The following RBM20 variants were observed in gnomAD, a reference collection of about 807,000 sequenced individuals.
RBM20 encodes the protein RNA-binding protein 20.
In RBM20, 51 loss-of-function variants were observed where a neutral mutation model predicts 110.1. That is an observed-to-expected ratio of 0.46 (90% CI 0.37 to 0.59). RBM20 has a LOEUF of 0.59. Ranked by LOEUF, RBM20 falls within the 20% of genes least tolerant of loss-of-function variation. The probability of loss-of-function intolerance (pLI) is 0.00; values close to 1 mark genes in which losing one functional copy is unlikely to be tolerated. For missense variants in RBM20, 1,512 were observed against 1,574.9 expected, an observed-to-expected ratio of 0.96 and a Z score of 0.68; for synonymous variants, 589 against 618.2, an observed-to-expected ratio of 0.95 and a Z score of 0.70.
intron 1 of RBM20, among the ~76,000 whole-genome samples, chr10:110,702,992 T>G (rs199785802): frequency 8.9e-4 from 41 of 45,924 alleles, no homozygotes; most frequent in African/African-American, 2.6e-3. Flanking sequence ...TTTTTTCTTG[T>G]TTTTTTTTTT....
intron 1 of RBM20, among the ~76,000 whole-genome samples, chr10:110,747,794 A>G (rs1843800860): frequency 6.6e-6 from 1 of 152,022 alleles, no homozygotes; most frequent in Admixed American, 6.5e-5. Context: ...TGAAAGAGAA[A>G]GCCTTTTAGA....
chr10:110,812,736 G>A lies in RBM20; in HGVS notation c.2339G>A (p.Gly780Glu). ...KYLKQQQDAP[G>E]RSRRKDEARL... ...CTGAAGCAGCAGCAGGATGCCCCCG[G>A]GAGGTCCAGGAGGAAAGACGAGGCC... is the stretch of plus-strand genomic sequence containing the variant. Residue 780 changes from glycine to glutamate, a missense_variant, in exon 9 of 14, where the codon GGG becomes GAG. Around this residue, in one of 3 missense-constraint regions of RBM20, gnomAD observed 1,149 missense variants for 1,169.4 expected, o/e 0.98. Transcript: ENST00000369519. The A allele has an allele frequency of 2.6e-6, 4 of 1,551,754 alleles. No individual in the cohort carries two copies. The highest frequency in any genetic ancestry group is 3.5e-6 in the Non-Finnish European group (4 of 1,147,006).
chr10:110,833,186 C>T (rs1316545267), intron 13 of RBM20, among the ~76,000 whole-genome samples: 2 of 151,590 alleles, frequency 1.3e-5, no homozygotes, highest in Non-Finnish European at 2.9e-5. Context: ...GTCAGGAATT[C>T]GAGACCAGCC....
At chr10:110,700,110 G>T (rs1358430022) in intron 1 of RBM20, among the ~76,000 whole-genome samples, 2 of 152,150 alleles carry the variant, frequency 1.3e-5, no homozygotes, top group African/African-American at 4.8e-5. Context: ...TTGACTGTGG[G>T]TAACTGAAAG....
intron 1 of RBM20, among the ~76,000 whole-genome samples, chr10:110,659,174 C>T (rs1053630116): frequency 1.3e-5 from 2 of 152,174 alleles, no homozygotes; most frequent in South Asian, 2.1e-4. Flanking sequence ...CCTGATGTGA[C>T]GCCAAAGCTT....
intron 1 of RBM20, among the ~76,000 whole-genome samples, chr10:110,734,811 G>A (rs1194807578): frequency 6.6e-5 from 10 of 151,998 alleles, no homozygotes; most frequent in Admixed American, 2.6e-4. Flanking sequence ...CCCTGAATCT[G>A]CAACTTTACT....
chr10:110,734,618 C>CATTTTTTTTTTTTTTT (rs34824300), intron 1 of RBM20, among the ~76,000 whole-genome samples: 3 of 136,532 alleles, frequency 2.2e-5, no homozygotes, highest in Non-Finnish European at 3.1e-5. Context: ...AAAATTCCCT[C>CATTTTTTTTTTTTTTT]TTTTTTTTTT....
In RBM20 at chr10:110,780,898, C is replaced by A; in HGVS notation, c.289C>A (p.Gln97Lys). The change falls in exon 2 of 14, where the codon CAG (glutamine) becomes AAG (lysine). Residue 97 changes from glutamine (Q) to lysine (K), a missense_variant. Around this residue, in one of 3 missense-constraint regions of RBM20, gnomAD observed 1,149 missense variants for 1,169.4 expected, o/e 0.98. Coordinates refer to ENST00000369519, the MANE Select transcript of RBM20 (RefSeq NM_001134363.3). ...ASLQLAQLQA[Q>K]LTLHRLKLAQ... ...TCTCCAGCTGGCTCAACTGCAGGCCCAGCTCACCCTCCACCGGCTGAAGCT... is the reference window on the plus strand; with the variant it reads ...TCTCCAGCTGGCTCAACTGCAGGCCAAGCTCACCCTCCACCGGCTGAAGCT... 6.4e-7 allele frequency: 1 copy of A among 1,551,482 alleles called. No individual in the cohort carries two copies.
In RBM20 at chr10:110,781,581, A is replaced by T. The variant is rs1338370754; in HGVS notation, c.972A>T (p.Gly324=). 3 of 1,551,660 alleles carry T rather than the reference A, an allele frequency of 1.9e-6. No individual in the cohort carries two copies. The highest frequency in any genetic ancestry group is 1.7e-6 in the Non-Finnish European group (2 of 1,146,964). ...GTNSQWESPH[G]FSGQSKPDLT... ...ACAGCCAATGGGAGAGCCCCCATGG[A>T]TTCTCGGGCCAAAGCAAGCCTGATC... Residue 324 remains glycine, a synonymous_variant, in exon 2 of 14, where the codon GGA becomes GGT. Coordinates refer to ENST00000369519, the MANE Select transcript of RBM20 (RefSeq NM_001134363.3).
intron 7 of RBM20, 113 bp downstream of exon 7, chr10:110,800,031 G>A: frequency 9.9e-7 from 1 of 1,007,430 alleles, no homozygotes. Flanking sequence ...AAAAGATTCA[G>A]AAATTACACA....
rs1277685916 is a variant in RBM20 at position 110,665,043 on chromosome 10, T to G, written c.191+20398T>G. Among the ~76,000 whole-genome samples, 3 of 150,284 alleles carry G rather than the reference T, an allele frequency of 2.0e-5. No homozygotes were observed. In the East Asian group the frequency reaches 5.9e-4, roughly 29 times the overall value. ...GGCACATGTCACCATGCCTGGCTAC[T>G]TTTTTTTTTCTTTTGTAGAGATAGG... On this transcript the variant is annotated intron_variant, in intron 1 of 13. Transcript: ENST00000369519.
intron 1 of RBM20, among the ~76,000 whole-genome samples, chr10:110,725,638 A>C (rs1843552211): frequency 6.6e-6 from 1 of 152,206 alleles, no homozygotes; most frequent in Admixed American, 6.5e-5. Flanking sequence ...ACAATTGCAG[A>C]GGTGCAGGCT....
At chr10:110,681,870 CCTTTT>C (rs777967961) in intron 1 of RBM20, among the ~76,000 whole-genome samples, 22 of 151,418 alleles carry the variant, frequency 1.5e-4, no homozygotes, top group Non-Finnish European at 2.7e-4. Context: ...TTTTTCTTTT[CCTTTT>C]CTTTTCTGCT....
rs772243422 is a variant in RBM20, at chr10:110,823,470, T to C, written c.3317-10T>C. The C allele has an allele frequency of 5.1e-6, 7 of 1,378,356 alleles. No individual in the cohort carries two copies. The South Asian group carries it at 5.5e-5, about 11-fold the overall frequency. The allele number at this position is 1,378,356 out of a possible 1,614,324, so 85.4% of individuals were successfully genotyped here. A position where few individuals can be genotyped will look rare whatever the true frequency, so the allele number is the denominator to read the frequency against. ...TTTTTTTTTTTTTTGCCTTGGTTCATGTTTTGCAGAAAACTCCAGGTACGT... is the reference window on the plus strand; with the variant it reads ...TTTTTTTTTTTTTTGCCTTGGTTCACGTTTTGCAGAAAACTCCAGGTACGT... On this transcript the variant is annotated splice_polypyrimidine_tract_variant and intron_variant, in intron 11 of 13. Coordinates refer to ENST00000369519, the MANE Select transcript of RBM20 (RefSeq NM_001134363.3).
At chr10:110,690,862 G>A (rs905682958) in intron 1 of RBM20, among the ~76,000 whole-genome samples, 2 of 152,196 alleles carry the variant, frequency 1.3e-5, no homozygotes. Context: ...TTCCATGAAT[G>A]TTGGTGTACA....
At chr10:110,705,291 T>C (rs987761682) in intron 1 of RBM20, among the ~76,000 whole-genome samples, 3 of 146,740 alleles carry the variant, frequency 2.0e-5, no homozygotes, top group African/African-American at 7.4e-5. Flanking sequence ...ATAATTTTCT[T>C]GATTTTTTTC....
At position 110,836,005 on chromosome 10, in the gene RBM20, C is replaced by A; in HGVS notation, c.*27C>A. 2 of 898,096 alleles carry A rather than the reference C, an allele frequency of 2.2e-6. No homozygotes were observed. The highest frequency in any genetic ancestry group is 3.5e-6 in the Non-Finnish European group (2 of 571,416). 55.6% of individuals were successfully genotyped at this position (898,096 alleles called of 1,614,324 possible). A position where few individuals can be genotyped will look rare whatever the true frequency, so the allele number is the denominator to read the frequency against. Reference sequence around the variant, plus strand: ...GCTTCTGCTTCTGCTGCTACTGCTGCTGCTGCAAGGTTGGAAAGGAGAGCT... The same window carrying A: ...GCTTCTGCTTCTGCTGCTACTGCTGATGCTGCAAGGTTGGAAAGGAGAGCT... On this transcript the variant is annotated 3_prime_UTR_variant, in exon 14 of 14. Coordinates refer to ENST00000369519, the MANE Select transcript of RBM20 (RefSeq NM_001134363.3).
At chr10:110,806,968 T>C (rs1844702580) in intron 7 of RBM20, among the ~76,000 whole-genome samples, 1 of 152,168 alleles carries the variant, frequency 6.6e-6, no homozygotes, top group East Asian at 1.9e-4. Context: ...CTGTCCCCTT[T>C]TCAGATGGCA....
intron 8 of RBM20, among the ~76,000 whole-genome samples, chr10:110,810,839 G>A (rs1452214824): frequency 3.4e-5 from 4 of 118,384 alleles, no homozygotes; most frequent in Non-Finnish European, 3.8e-5. Context: ...GTGTGTGCAT[G>A]TGTGTGCGTG....
Sources: gnomAD v4.1 joint callset for allele counts (sites outside exome capture counted in the v4.1 genomes callset) on GRCh38, gnomAD v4.1.1 for gene constraint, gnomAD v4.1.1 regional missense constraint, MANE v1.5 for transcripts, NCBI Gene and HGNC (gene_info 2026-07-23, HGNC 2026-07-21) for gene names.